Variants in PPP1R12B observed in about 807,000 individuals in gnomAD.
PPP1R12B encodes the protein myosin phosphatase target subunit 2.
PPP1R12B carries 76 observed loss-of-function variants against 126.1 expected under a neutral mutation model. The ratio of observed to expected loss-of-function variants is 0.60; its 90% CI spans 0.50 to 0.73. The LOEUF (loss-of-function observed/expected upper bound fraction) is 0.73, where lower values mean the gene tolerates loss of function less well. Ranked by LOEUF, PPP1R12B falls within the 30% of genes least tolerant of loss-of-function variation. PPP1R12B has a pLI of 0.00. For missense variants in PPP1R12B, 1,052 were observed against 1,205.1 expected, an observed-to-expected ratio of 0.87 and a Z score of 1.88; for synonymous variants, 356 against 434.7, an observed-to-expected ratio of 0.82 and a Z score of 2.25.
chr1:202,549,669 C>T (rs1340933491), intron 18 of PPP1R12B, among the ~76,000 whole-genome samples: 1 of 152,094 alleles, frequency 6.6e-6, no homozygotes, highest in Non-Finnish European at 1.5e-5. Context: ...CCACCCGCCT[C>T]GGCCTCCCAA....
At chr1:202,504,305 A>G (rs527684451) in intron 18 of PPP1R12B, among the ~76,000 whole-genome samples, 3 of 152,224 alleles carry the variant, frequency 2.0e-5, no homozygotes, top group South Asian at 2.1e-4. Flanking sequence ...AGGCATGAGA[A>G]TCGCTTGAAC....
intron 1 of PPP1R12B, among the ~76,000 whole-genome samples, chr1:202,379,988 A>G (rs1328881550): frequency 6.6e-6 from 1 of 152,210 alleles, no homozygotes; most frequent in Non-Finnish European, 1.5e-5. Flanking sequence ...TCACATGCAG[A>G]GTAAAAACGC....
rs1212970745 is a variant in PPP1R12B at position 202,587,700 on chromosome 1, G to A, written c.*7140G>A. 6.6e-6 allele frequency: 1 copy of A among 152,140 alleles called. No individual in the cohort carries two copies. The highest frequency in any genetic ancestry group is 1.5e-5 in the Non-Finnish European group (1 of 68,022). The allele number at this position is 152,140 out of a possible 1,614,324, so 9.4% of individuals were successfully genotyped here. On this transcript the variant is annotated 3_prime_UTR_variant, in exon 24 of 24. Transcript: ENST00000608999. ...TTGAGAGTCGGAGTGCCAGTCGTCG[G>A]GGCCCACTATTCCTGAATAAGGGAC...
chr1:202,542,753 T>C (rs1572449054), intron 18 of PPP1R12B, among the ~76,000 whole-genome samples: 1 of 152,200 alleles, frequency 6.6e-6, no homozygotes, highest in South Asian at 2.1e-4. Context: ...TCAGGGTCTT[T>C]GTATTTCTCT....
At chr1:202,563,842 A>G (rs1292393798) in intron 20 of PPP1R12B, among the ~76,000 whole-genome samples, 3 of 152,028 alleles carry the variant, frequency 2.0e-5, no homozygotes, top group Non-Finnish European at 2.9e-5. Context: ...GTGAGGCAGG[A>G]TGATCACTTG....
Position 202,348,817 on chromosome 1 carries a change from T to C in PPP1R12B, c.-35T>C. 6.3e-6 allele frequency: 10 copies of C among 1,588,182 alleles called. No individual in the cohort carries two copies. Among genetic ancestry groups the C allele is most frequent in the Non-Finnish European group, 8.5e-6 (10 of 1,170,706 alleles). Reference sequence around the variant, plus strand: ...TCGAGCCCCAACAGTAATTTAGTGTTGGTAGTTTTGGCAGCAGCTGCCGAG... The same window carrying C: ...TCGAGCCCCAACAGTAATTTAGTGTCGGTAGTTTTGGCAGCAGCTGCCGAG... On this transcript the variant is annotated 5_prime_UTR_variant, in exon 1 of 24. Transcript: ENST00000608999.
At chr1:202,525,602 T>G (rs1464343282) in intron 18 of PPP1R12B, among the ~76,000 whole-genome samples, 1 of 151,972 alleles carries the variant, frequency 6.6e-6, no homozygotes, top group Non-Finnish European at 1.5e-5. Context: ...GAAAAGCTTT[T>G]TTTTTTTTTC....
rs541832976 is a variant in PPP1R12B, at chr1:202,421,894, G to A, written c.423-726G>A. ...CCCTCTGCCATTTACCCGCTATGTG[G>A]TTTTGAGAAAATTACTTAATATGTA... On this transcript the variant is annotated intron_variant, in intron 2 of 23. Transcript: ENST00000608999. Among the ~76,000 whole-genome samples, 9 of 152,254 alleles carry A rather than the reference G, an allele frequency of 5.9e-5. No homozygotes were observed. The East Asian group carries it at 1.7e-3, about 29-fold the overall frequency.
intron 18 of PPP1R12B, chr1:202,501,859 C>T (rs1248119544): frequency 8.1e-6 from 8 of 984,972 alleles, no homozygotes; most frequent in Non-Finnish European, 8.4e-6. Context: ...TTTTACTCAG[C>T]AGGTTACATG....
At chr1:202,364,943 C>T (rs1158166718) in intron 1 of PPP1R12B, among the ~76,000 whole-genome samples, 1 of 152,076 alleles carries the variant, frequency 6.6e-6, no homozygotes, top group Non-Finnish European at 1.5e-5. Context: ...AACTCCTGGG[C>T]TCAAGCAGTC....
chr1:202,363,116 G>A (rs561692335), intron 1 of PPP1R12B, among the ~76,000 whole-genome samples: 17 of 152,334 alleles, frequency 1.1e-4, no homozygotes, highest in African/African-American at 4.1e-4. Context: ...TTGCAGGCAT[G>A]AGCCACCATA....
At chr1:202,466,196 T>C (rs1401647090) in intron 13 of PPP1R12B, among the ~76,000 whole-genome samples, 2 of 152,188 alleles carry the variant, frequency 1.3e-5, no homozygotes, top group African/African-American at 2.4e-5. Flanking sequence ...TTTCCTGGCC[T>C]TCTATTCATT....
In PPP1R12B at chr1:202,369,326, AAC is replaced by A. The variant is rs1188687513; in HGVS notation, c.291+20186_291+20187del. On this transcript the variant is annotated intron_variant, in intron 1 of 23. Transcript: ENST00000608999. ...TCCAATCATAGTTTTAGAAGGGGGAAACAGTGATACCATTTACTGAATCAGAA... is the reference window on the plus strand; with the variant it reads ...TCCAATCATAGTTTTAGAAGGGGGAAAGTGATACCATTTACTGAATCAGAA... Among the ~76,000 whole-genome samples the A allele has an allele frequency of 7.2e-5, 11 of 152,362 alleles. No individual in the cohort carries two copies. In the South Asian group the frequency reaches 1.7e-3, roughly 23 times the overall value.
chr1:202,564,649 T>C, intron 21 of PPP1R12B, 102 bp downstream of exon 21: 1 of 879,314 alleles, frequency 1.1e-6, no homozygotes, highest in Non-Finnish European at 1.7e-6. Flanking sequence ...AGAGTCAAGA[T>C]CAGGCCTTCT....
At chr1:202,563,264 G>A (rs1687709685) in intron 20 of PPP1R12B, among the ~76,000 whole-genome samples, 1 of 152,244 alleles carries the variant, frequency 6.6e-6, no homozygotes, top group South Asian at 2.1e-4. Context: ...CTATAGCCAT[G>A]CACCACCACA....
intron 18 of PPP1R12B, among the ~76,000 whole-genome samples, chr1:202,529,150 A>G (rs1292163707): frequency 1.3e-5 from 2 of 152,198 alleles, no homozygotes; most frequent in Non-Finnish European, 2.9e-5. Flanking sequence ...ACGTGAAGAT[A>G]AAGTGTATAT....
chr1:202,456,432 A>G (rs1241597598), intron 13 of PPP1R12B, among the ~76,000 whole-genome samples: 2 of 152,200 alleles, frequency 1.3e-5, no homozygotes, highest in African/African-American at 4.8e-5. Flanking sequence ...GAACTCTCAG[A>G]TGACAAAAGT....
chr1:202,385,901 A>G (rs980746079), intron 1 of PPP1R12B, among the ~76,000 whole-genome samples: 1 of 151,914 alleles, frequency 6.6e-6, no homozygotes, highest in Non-Finnish European at 1.5e-5. Context: ...CTGTAACCAT[A>G]AGATTTGCAA....
chr1:202,592,563 C>G lies in PPP1R12B; in HGVS notation c.*12003C>G, dbSNP rs995866672. ...ACATGCATCTTGATTAAACAAGATT[C>G]TGTTCATATGTTTCTAGGTAATTAT... On this transcript the variant is annotated 3_prime_UTR_variant, in exon 24 of 24. Coordinates refer to ENST00000608999, the MANE Select transcript of PPP1R12B (RefSeq NM_002481.4). 1 of 152,216 alleles carries G rather than the reference C, an allele frequency of 6.6e-6. No individual in the cohort carries two copies. The highest frequency in any genetic ancestry group is 1.5e-5 in the Non-Finnish European group (1 of 68,036). 9.4% of individuals were successfully genotyped at this position (152,216 alleles called of 1,614,324 possible). A position where few individuals can be genotyped will look rare whatever the true frequency, so the allele number is the denominator to read the frequency against.
Sources: allele counts gnomAD v4.1 joint callset (sites outside exome capture counted in the v4.1 genomes callset), GRCh38; gene constraint gnomAD v4.1.1; transcripts MANE v1.5; gene names NCBI Gene and HGNC (gene_info 2026-07-23, HGNC 2026-07-21).